MKX: variants seen among roughly 807,000 people sequenced by gnomAD.
MKX encodes mohawk homeobox.
Under a neutral mutation model 36.0 loss-of-function variants are expected in MKX, and 13 were observed. The observed-to-expected ratio is 0.36, with a 90% CI of 0.24 to 0.57. The LOEUF (loss-of-function observed/expected upper bound fraction) is 0.57. Among genes scored for constraint, MKX ranks in the 20% least tolerant of loss-of-function variants. MKX has a pLI of 0.79. For missense variants in MKX, 458 were observed against 456.4 expected, an observed-to-expected ratio of 1.00 and a Z score of -0.03; for synonymous variants, 176 against 178.3, an observed-to-expected ratio of 0.99 and a Z score of 0.10.
chr10:27,744,427 A>C lies in MKX; in HGVS notation c.-82-930T>G, dbSNP rs1246793835. Among the ~76,000 whole-genome samples the C allele has an allele frequency of 6.6e-6, 1 of 152,026 alleles. No individual in the cohort carries two copies. The highest frequency in any genetic ancestry group is 1.5e-5 in the Non-Finnish European group (1 of 67,980). ...GCTTGGTCGGCGCACCTCCCGGGCC[A>C]CTGCTGCCACTGTCGGGGAGAGCCA... On this transcript the variant is annotated intron_variant, in intron 1 of 6. Transcript: ENST00000419761. This position sits in a 1 kb window ranked among gnomAD's most constrained non-coding sequence, Gnocchi z 5.6.
At chr10:27,692,483 C>G (rs1836471983) in intron 5 of MKX, among the ~76,000 whole-genome samples, 1 of 152,194 alleles carries the variant, frequency 6.6e-6, no homozygotes, top group South Asian at 2.1e-4. Context: ...TAATGACATA[C>G]TGTTATGAGA....
chr10:27,737,970 A>G (rs1479796400), intron 3 of MKX, among the ~76,000 whole-genome samples: 1 of 152,130 alleles, frequency 6.6e-6, no homozygotes, highest in Non-Finnish European at 1.5e-5. Context: ...GAACATTTAA[A>G]TGATTTAAAT....
rs1177867784 is a variant in MKX, at chr10:27,675,307, A to G, written c.981T>C (p.Thr327=). The change falls in exon 7 of 7, where the codon ACT becomes ACC. Residue 327 remains threonine (T), a synonymous_variant. Coordinates refer to ENST00000419761, the MANE Select transcript of MKX (RefSeq NM_173576.3). ...LAQGKDKLQG[T]TSCIIQKSSH... is the part of the protein sequence containing the mutation. The stretch of plus-strand genomic sequence containing the variant: ...ACGACTTCTGGATGATGCAGCTGGT[A>G]GTTCCCTGCAGTTTGTCCTTTCCCT... 6.2e-7 allele frequency: 1 copy of G among 1,614,218 alleles called. No homozygotes were observed. The highest frequency in any genetic ancestry group is 8.5e-7 in the Non-Finnish European group (1 of 1,180,038).
Position 27,741,447 on chromosome 10 carries a change from C to A in MKX, c.246G>T (p.Ala82=), listed in dbSNP as rs750137844. 6.2e-7 allele frequency: 1 copy of A among 1,611,604 alleles called. No individual in the cohort carries two copies. Among genetic ancestry groups the A allele is most frequent in the Non-Finnish European group, 8.5e-7 (1 of 1,179,106 alleles). ...TGTAAAGCCACTGCTTGAGGGGTCGCGCCATGTCTTGCAGGGCCTGCCGCT... is the reference window on the plus strand; with the variant it reads ...TGTAAAGCCACTGCTTGAGGGGTCGAGCCATGTCTTGCAGGGCCTGCCGCT... ...RHKRQALQDM[A]RPLKQWLYKH... The change falls in exon 3 of 7, where the codon GCG becomes GCT. Residue 82 remains alanine, a synonymous_variant. Coordinates refer to ENST00000419761, the MANE Select transcript of MKX (RefSeq NM_173576.3). The surrounding 1 kb of genome is among the most constrained non-coding windows in gnomAD (Gnocchi z 5.1).
chr10:27,711,451 CTTTCTTTCTTTCTTTCTTTCTT>C lies in MKX; in HGVS notation c.838+22983_838+23004del, dbSNP rs1564356833. Among the ~76,000 whole-genome samples the C allele has an allele frequency of 2.6e-3, 26 of 9,920 alleles. No homozygotes were observed. In the East Asian group the frequency reaches 0.027, roughly 10 times the overall value. 6.5% of individuals were successfully genotyped at this position (9,920 alleles called of 152,430 possible). On this transcript the variant is annotated intron_variant, in intron 5 of 6. Transcript: ENST00000419761. ...TTTCTCTTTCTTTCTTTCTTTCTTT[CTTTCTTTCTTTCTTTCTTTCTT>C]TCTTTCTTTCTCTCTCTCTCTCTTC...
rs530471512 is a variant in MKX, at chr10:27,691,956, G to C, written c.839-16402C>G. Among the ~76,000 whole-genome samples the C allele has an allele frequency of 5.3e-5, 8 of 152,254 alleles. No individual in the cohort carries two copies. The East Asian group carries it at 1.5e-3, about 29-fold the overall frequency. On this transcript the variant is annotated intron_variant, in intron 5 of 6. Transcript: ENST00000419761. ...CACTTTCTTTATCCAATCCACTCTTGATGGACATCTGGGTTATTTAATGTG... is the reference window on the plus strand; with the variant it reads ...CACTTTCTTTATCCAATCCACTCTTCATGGACATCTGGGTTATTTAATGTG...
chr10:27,712,960 G>A (rs753461277), intron 5 of MKX, among the ~76,000 whole-genome samples: 2 of 152,056 alleles, frequency 1.3e-5, no homozygotes, highest in Non-Finnish European at 2.9e-5. Context: ...CAATAATAAA[G>A]TCATATGAAT....
chr10:27,742,713 G>A lies in MKX; in HGVS notation c.188+515C>T, dbSNP rs1386687356. Among the ~76,000 whole-genome samples, 4 of 151,850 alleles carry A rather than the reference G, an allele frequency of 2.6e-5. No homozygotes were observed. The highest frequency in any genetic ancestry group is 5.9e-5 in the Non-Finnish European group (4 of 67,892). ...GGTTCGCCGCGGGCCCAGCCGAGCC[G>A]CGCTCACGCCCGGGACTCCCTGGCG... On this transcript the variant is annotated intron_variant, in intron 2 of 6. Transcript: ENST00000419761. This position sits in a 1 kb window ranked among gnomAD's most constrained non-coding sequence, Gnocchi z 4.2.
In MKX at chr10:27,740,609, G is replaced by A. The variant is rs112356240; in HGVS notation, c.348+736C>T. Among the ~76,000 whole-genome samples, 812 of 152,216 alleles carry A rather than the reference G, an allele frequency of 5.3e-3. 9 individuals carry two copies. The highest frequency in any genetic ancestry group is 0.019 in the African/African-American group (783 of 41,526). On this transcript the variant is annotated intron_variant, in intron 3 of 6. Transcript: ENST00000419761. ...AAAAGCTAGTCAAATGTAAAGTAACGTTGTTCACCAGAGAACACACAAACT... is the reference window on the plus strand; with the variant it reads ...AAAAGCTAGTCAAATGTAAAGTAACATTGTTCACCAGAGAACACACAAACT...
chr10:27,690,002 G>C (rs2132507788), intron 5 of MKX, among the ~76,000 whole-genome samples: 1 of 152,272 alleles, frequency 6.6e-6, no homozygotes, highest in South Asian at 2.1e-4. Context: ...ATGGCATACA[G>C]ATCCTTTTTC....
At chr10:27,729,400 G>A (rs1834571181) in intron 5 of MKX, among the ~76,000 whole-genome samples, 1 of 151,040 alleles carries the variant, frequency 6.6e-6, no homozygotes, top group African/African-American at 2.4e-5. Flanking sequence ...CACCTCCCAG[G>A]TTCAAGTGAT....
In MKX at chr10:27,690,224, A is replaced by G. The variant is rs189167729; in HGVS notation, c.839-14670T>C. On this transcript the variant is annotated intron_variant, in intron 5 of 6. Coordinates refer to ENST00000419761, the MANE Select transcript of MKX (RefSeq NM_173576.3). ...CGTCTCTACTAAAAATAGAAAAATT[A>G]GCTGGGCATGGTGGCATGCACCTGT... Among the ~76,000 whole-genome samples the G allele has an allele frequency of 2.8e-3, 424 of 152,286 alleles. 4 individuals are homozygous for G. The highest frequency in any genetic ancestry group is 9.8e-3 in the African/African-American group (407 of 41,564).
chr10:27,676,031 GAGGCCA>G (rs1836141320), intron 5 of MKX, among the ~76,000 whole-genome samples: 1 of 152,194 alleles, frequency 6.6e-6, no homozygotes, highest in Non-Finnish European at 1.5e-5. Flanking sequence ...AGCACTTTGG[GAGGCCA>G]AGGCGGGGGA....
At chr10:27,694,968 T>C (rs1333860198) in intron 5 of MKX, among the ~76,000 whole-genome samples, 2 of 151,722 alleles carry the variant, frequency 1.3e-5, no homozygotes, top group Admixed American at 1.3e-4. Context: ...GTGTGGTAGT[T>C]CTAGTTACTT....
rs933586491 is a variant in MKX at position 27,702,179 on chromosome 10, C to T, written c.839-26625G>A. The stretch of plus-strand genomic sequence containing the variant: ...CAGGCACGGACAAAGCCAAAAGCAT[C>T]TCCCAAAGCCACTGATAGGCCAGGA... On this transcript the variant is annotated intron_variant, in intron 5 of 6. Coordinates refer to ENST00000419761, the MANE Select transcript of MKX (RefSeq NM_173576.3). Among the ~76,000 whole-genome samples the T allele has an allele frequency of 5.9e-5, 9 of 152,306 alleles. No homozygotes were observed. In the East Asian group the frequency reaches 1.7e-3, roughly 29 times the overall value.
At position 27,744,541 on chromosome 10, in the gene MKX, A is replaced by G. The variant is rs1835003538; in HGVS notation, c.-82-1044T>C. 6.6e-6 allele frequency among the ~76,000 whole-genome samples: 1 copy of G among 152,026 alleles called. No individual in the cohort carries two copies. Among genetic ancestry groups the G allele is most frequent in the South Asian group, 2.1e-4 (1 of 4,822 alleles). Reference sequence around the variant, plus strand: ...CAAGTCCGCGCGGCCGCGGAGCCGCAGAGTTACAGCCCCAAGGCGCGCGGC... The same window carrying G: ...CAAGTCCGCGCGGCCGCGGAGCCGCGGAGTTACAGCCCCAAGGCGCGCGGC... On this transcript the variant is annotated intron_variant, in intron 1 of 6. Coordinates refer to ENST00000419761, the MANE Select transcript of MKX (RefSeq NM_173576.3). This position sits in a 1 kb window ranked among gnomAD's most constrained non-coding sequence, Gnocchi z 5.6.
intron 5 of MKX, among the ~76,000 whole-genome samples, chr10:27,714,679 T>C (rs995649087): frequency 6.6e-6 from 1 of 152,192 alleles, no homozygotes; most frequent in Non-Finnish European, 1.5e-5. Flanking sequence ...CTGGTTAACA[T>C]GAAATGTAAG....
rs147524216 is a variant in MKX at position 27,742,177 on chromosome 10, C to T, written c.189-673G>A. ...GTTAAAAGTACGGCAAGCTCTGTCC[C>T]ATCATGTAAGGTAAAAAGACCTCAG... On this transcript the variant is annotated intron_variant, in intron 2 of 6. Transcript: ENST00000419761. The surrounding 1 kb of genome is among the most constrained non-coding windows in gnomAD (Gnocchi z 4.2). 7.9e-5 allele frequency among the ~76,000 whole-genome samples: 12 copies of T among 152,308 alleles called. No individual in the cohort carries two copies. The highest frequency in any genetic ancestry group is 2.4e-4 in the African/African-American group (10 of 41,588).
chr10:27,739,292 A>G (rs1834843088), intron 3 of MKX, among the ~76,000 whole-genome samples: 1 of 152,090 alleles, frequency 6.6e-6, no homozygotes, highest in African/African-American at 2.4e-5. Context: ...GTAATTCTAT[A>G]CATTTTTATT....
Sources: allele counts gnomAD v4.1 joint callset (sites outside exome capture counted in the v4.1 genomes callset), GRCh38; gene constraint gnomAD v4.1.1; non-coding constraint Gnocchi (gnomAD v3.1); transcripts MANE v1.5; gene names NCBI Gene and HGNC (gene_info 2026-07-23, HGNC 2026-07-21).